The following PLOD1 variants were observed in gnomAD, a reference collection of about 807,000 sequenced individuals.
PLOD1 encodes procollagen-lysine,2-oxoglutarate 5-dioxygenase 1, also known as lysine hydroxylase.
In PLOD1, 70 loss-of-function variants were observed where a neutral mutation model predicts 94.7. The ratio of observed to expected loss-of-function variants is 0.74; its 90% CI spans 0.61 to 0.90. The LOEUF (loss-of-function observed/expected upper bound fraction) is 0.90. Among genes scored for constraint, PLOD1 ranks in the 40% least tolerant of loss-of-function variants. The probability of loss-of-function intolerance (pLI) is 0.00; values close to 1 mark genes in which losing one functional copy is unlikely to be tolerated. For missense variants in PLOD1, 905 were observed against 972.7 expected (o/e 0.93, Z 0.93); for synonymous variants, 417 against 400.2 (o/e 1.04, Z -0.50).
At chr1:11,956,824 C>T in intron 6 of PLOD1, 93 bp from the exon 7 acceptor site, 1 of 808,716 alleles carries the variant, frequency 1.2e-6, no homozygotes, top group East Asian at 2.4e-5. Flanking sequence ...ATAATCTACT[C>T]ACTGCACAGC....
At position 11,970,938 on chromosome 1, in the gene PLOD1, A is replaced by G. The variant is rs59235751; in HGVS notation, c.1902+122A>G. ...AACTGGGAGGGGCCGAGGTGGAGTGAGGGTGTGGGGAGCGTGGGAGGGGCA... is the reference window on the plus strand; with the variant it reads ...AACTGGGAGGGGCCGAGGTGGAGTGGGGGTGTGGGGAGCGTGGGAGGGGCA... On this transcript the variant is annotated intron_variant, in intron 17 of 18. Coordinates refer to ENST00000196061, the MANE Select transcript of PLOD1 (RefSeq NM_000302.4). The G allele has an allele frequency of 0.49, 170,533 of 345,684 alleles. 43,422 individuals carry two copies. The highest frequency in any genetic ancestry group is 0.69 in the African/African-American group (9,300 of 13,504). The allele number at this position is 345,684 out of a possible 1,614,324, so 21.4% of individuals were successfully genotyped here.
intron 3 of PLOD1, 39 bp from the exon 4 acceptor site, chr1:11,950,318 C>G (rs759255763): frequency 1.2e-6 from 2 of 1,610,086 alleles, no homozygotes; most frequent in African/African-American, 2.7e-5. Context: ...CCCCTGCTCA[C>G]CCTTGCCCTG....
chr1:11,963,594 T>C lies in PLOD1; in HGVS notation c.1160T>C (p.Leu387Pro), dbSNP rs1309280929. 6.2e-7 allele frequency: 1 copy of C among 1,603,716 alleles called. No individual in the cohort carries two copies. Among genetic ancestry groups the C allele is most frequent in the Admixed American group, 1.7e-5 (1 of 58,090 alleles). Reference protein sequence around the residue: ...YYFSVDADVALTEPNSLRLLI... With the variant: ...YYFSVDADVAPTEPNSLRLLI... ...TTCAGCGTGGATGCTGACGTGGCCC[T>C]GACCGAGCCCAACAGCCTGCGGCTG... The change falls in exon 11 of 19, where the codon CTG becomes CCG. Residue 387 changes from leucine (L) to proline (P), a missense_variant. Coordinates refer to ENST00000196061, the MANE Select transcript of PLOD1 (RefSeq NM_000302.4). The surrounding 1 kb of genome is among the most constrained non-coding windows in gnomAD (Gnocchi z 4.3).
In PLOD1 at chr1:11,964,884, T is replaced by C. The variant is rs1030032569; in HGVS notation, c.1470+99T>C. The stretch of plus-strand genomic sequence containing the variant: ...CTCATGGTGGGCCGCCTTGTCACCG[T>C]AGGCCTGGGAGCTCCAGAGATTCTA... On this transcript the variant is annotated intron_variant, in intron 13 of 18. Coordinates refer to ENST00000196061, the MANE Select transcript of PLOD1 (RefSeq NM_000302.4). The C allele has an allele frequency of 6.2e-6, 8 of 1,296,172 alleles. No individual in the cohort carries two copies. In the African/African-American group the frequency reaches 1.2e-4, roughly 19 times the overall value. The allele number at this position is 1,296,172 out of a possible 1,614,324, so 80.3% of individuals were successfully genotyped here.
At position 11,968,945 on chromosome 1, in the gene PLOD1, C is replaced by A. The variant is rs941010943; in HGVS notation, c.1756-1725C>A. Among the ~76,000 whole-genome samples the A allele has an allele frequency of 4.0e-5, 6 of 151,060 alleles. No individual in the cohort carries two copies. In the East Asian group the frequency reaches 7.8e-4, roughly 20 times the overall value. On this transcript the variant is annotated intron_variant, in intron 16 of 18. Transcript: ENST00000196061. ...CGATCTCGGCTCACTGAAACCTCTG[C>A]CTCCTGAGTTCAAGTGATTCTCTTG...
At position 11,958,394 on chromosome 1, in the gene PLOD1, C is replaced by T; in HGVS notation, c.844-122C>T. 2 of 1,177,592 alleles carry T rather than the reference C, an allele frequency of 1.7e-6. No homozygotes were observed. The highest frequency in any genetic ancestry group is 2.6e-5 in the South Asian group (2 of 77,020). 72.9% of individuals were successfully genotyped at this position (1,177,592 alleles called of 1,614,324 possible). On this transcript the variant is annotated intron_variant, in intron 8 of 18. Transcript: ENST00000196061. The surrounding 1 kb of genome is among the most constrained non-coding windows in gnomAD (Gnocchi z 4.3). ...TGACTGGAGTTCCCCGGCCCGGGCA[C>T]CTTTCTTGGGAAGTCTACATGCTTC...
At chr1:11,966,548 C>T (rs1412079189) in intron 15 of PLOD1, 3 of 553,466 alleles carry the variant, frequency 5.4e-6, no homozygotes, top group African/African-American at 1.9e-5. Flanking sequence ...GCAGGATGGC[C>T]CCTCTACCTG....
At chr1:11,951,214 C>T (rs1253357013) in intron 4 of PLOD1, among the ~76,000 whole-genome samples, 1 of 152,194 alleles carries the variant, frequency 6.6e-6, no homozygotes, top group East Asian at 1.9e-4. Context: ...CTGCCATTCC[C>T]TACCCTCATG....
intron 1 of PLOD1, among the ~76,000 whole-genome samples, chr1:11,939,607 ATTCTTT>A (rs1210240327): frequency 1.3e-5 from 2 of 151,930 alleles, no homozygotes; most frequent in African/African-American, 2.4e-5. Flanking sequence ...TCTCCACATC[ATTCTTT>A]TTCTTTTTCT....
intron 1 of PLOD1, 25 bp downstream of exon 1, chr1:11,934,880 G>T: frequency 2.6e-6 from 4 of 1,532,086 alleles, no homozygotes; most frequent in East Asian, 2.5e-5. Flanking sequence ...GCCGGGGGCG[G>T]GAGCGCGGAT....
At chr1:11,969,418 A>G (rs1414200833) in intron 16 of PLOD1, among the ~76,000 whole-genome samples, 1 of 152,194 alleles carries the variant, frequency 6.6e-6, no homozygotes, top group Non-Finnish European at 1.5e-5. Flanking sequence ...AGTTCTGGTT[A>G]TCTTCCTAAT....
chr1:11,970,875 G>A (rs1405638408), intron 17 of PLOD1, 59 bp downstream of exon 17: 4 of 1,546,940 alleles, frequency 2.6e-6, no homozygotes, highest in Non-Finnish European at 3.5e-6. Flanking sequence ...TGTCAGTGGA[G>A]TGGCTGGGAC....
chr1:11,974,257 C>T (rs768771056), intron 18 of PLOD1, among the ~76,000 whole-genome samples: 8 of 151,714 alleles, frequency 5.3e-5, no homozygotes, highest in Admixed American at 3.3e-4. Context: ...TACAGTGGCG[C>T]GATCTCGGCT....
chr1:11,961,728 GC>G (rs1167419213), intron 10 of PLOD1, among the ~76,000 whole-genome samples: 7 of 152,150 alleles, frequency 4.6e-5, no homozygotes, highest in African/African-American at 7.2e-5. Context: ...TCCTGCCTCA[GC>G]CCCCCAAGAA....
rs1645711411 is a variant in PLOD1 at position 11,952,689 on chromosome 1, G to A, written c.533G>A (p.Ser178Asn). ...GAGTGGGAGGGCCAGGACAGCGACA[G>A]CGATCAGCTGTTTTACACCAAGATC... ...VAEWEGQDSD[S>N]DQLFYTKIFL... is the part of the protein sequence containing the mutation. The change falls in exon 5 of 19, where the codon AGC (serine) becomes AAC (asparagine). Residue 178 changes from serine to asparagine, a missense_variant. Coordinates refer to ENST00000196061, the MANE Select transcript of PLOD1 (RefSeq NM_000302.4). The A allele has an allele frequency of 1.2e-6, 2 of 1,614,078 alleles. No individual in the cohort carries two copies.
chr1:11,966,492 G>C (rs976439562), intron 15 of PLOD1, 176 bp downstream of exon 15: 2 of 253,124 alleles, frequency 7.9e-6, no homozygotes, highest in Non-Finnish European at 1.6e-5. Context: ...GGAATGGGGG[G>C]GCGGCGGGAT....
At position 11,950,402 on chromosome 1, in the gene PLOD1, G is replaced by A; in HGVS notation, c.348G>A (p.Lys116=). 1.2e-6 allele frequency: 2 copies of A among 1,614,208 alleles called. No homozygotes were observed. Among genetic ancestry groups the A allele is most frequent in the Admixed American group, 3.3e-5 (2 of 60,032 alleles). Residue 116 remains lysine, a synonymous_variant, in exon 4 of 19, where the codon AAG becomes AAA. Transcript: ENST00000196061. ...FASGPRELLK[K]FRQARSQVVF... is the part of the protein sequence containing the mutation. ...CGGGGCCCCGGGAGCTCCTGAAGAA[G>A]TTCCGGCAGGCCAGGAGCCAGGTGG...
Position 11,958,033 on chromosome 1 carries a change from T to C in PLOD1, c.843+90T>C, listed in dbSNP as rs1202614681. 1 of 911,888 alleles carries C rather than the reference T, an allele frequency of 1.1e-6. No individual in the cohort carries two copies. Among genetic ancestry groups the C allele is most frequent in the Non-Finnish European group, 1.8e-6 (1 of 546,128 alleles). 56.5% of individuals were successfully genotyped at this position (911,888 alleles called of 1,614,324 possible). A position where few individuals can be genotyped will look rare whatever the true frequency, so the allele number is the denominator to read the frequency against. ...TGGGTGATTCTGGAATAGACTCCAT[T>C]GTCTTTGGTGGAAAGTGAAGGGGTC... is the stretch of plus-strand genomic sequence containing the variant. On this transcript the variant is annotated intron_variant, in intron 8 of 18. Coordinates refer to ENST00000196061, the MANE Select transcript of PLOD1 (RefSeq NM_000302.4). The surrounding 1 kb of genome is among the most constrained non-coding windows in gnomAD (Gnocchi z 4.3).
Position 11,966,327 on chromosome 1 carries a change from T to C in PLOD1, c.1650+11T>C. On this transcript the variant is annotated intron_variant, in intron 15 of 18. Transcript: ENST00000196061. ...AAGCTGGTGGAGACGGTAAGGGCCA[T>C]GGACACCCTCTTGGACCAGCCTTGC... The C allele has an allele frequency of 1.3e-6, 2 of 1,594,120 alleles. No homozygotes were observed. Among genetic ancestry groups the C allele is most frequent in the Non-Finnish European group, 1.7e-6 (2 of 1,168,394 alleles).
Sources: gnomAD v4.1 joint callset for allele counts (sites outside exome capture counted in the v4.1 genomes callset) on GRCh38, gnomAD v4.1.1 for gene constraint, Gnocchi (gnomAD v3.1) non-coding constraint, MANE v1.5 for transcripts, NCBI Gene and HGNC (gene_info 2026-07-23, HGNC 2026-07-21) for gene names.